Variants in SOCS7 observed in about 807,000 individuals in gnomAD.
SOCS7 encodes the protein suppressor of cytokine signaling 7.
SOCS7 carries 18 observed loss-of-function variants against 58.9 expected under a neutral mutation model. The observed-to-expected ratio is 0.31, with a 90% CI of 0.21 to 0.45. SOCS7 has a LOEUF of 0.45. Ranked by LOEUF, SOCS7 falls within the 20% of genes least tolerant of loss-of-function variation. The pLI is 1.00. For missense variants in SOCS7, 667 were observed against 837.3 expected, an observed-to-expected ratio of 0.80 and a Z score of 2.51; for synonymous variants, 388 against 364.3, an observed-to-expected ratio of 1.06 and a Z score of -0.74.
intron 8 of SOCS7, 60 bp downstream of exon 8, chr17:38,395,504 A>G: frequency 1.3e-6 from 2 of 1,548,108 alleles, no homozygotes; most frequent in Non-Finnish European, 1.8e-6. Flanking sequence ...GGGAGGTAAC[A>G]ATGTCAGTGA....
chr17:38,357,174 T>C (rs2037651752), intron 1 of SOCS7, among the ~76,000 whole-genome samples: 1 of 152,218 alleles, frequency 6.6e-6, no homozygotes, highest in South Asian at 2.1e-4. Context: ...CCTGCTGTCG[T>C]GGACAGGCCT....
rs925239456 is a variant in SOCS7, at chr17:38,389,906, T to G, written c.1682-5403T>G. ...ATGTACATATATATATATACACATA[T>G]AGAGAGAGAGAGAGAGAGAGAGTGA... On this transcript the variant is annotated intron_variant, in intron 7 of 9. Coordinates refer to ENST00000612932, the MANE Select transcript of SOCS7 (RefSeq NM_014598.4). Among the ~76,000 whole-genome samples the G allele has an allele frequency of 2.6e-3, 266 of 103,386 alleles. 8 individuals are homozygous for G. The highest frequency in any genetic ancestry group is 4.8e-3 in the African/African-American group (101 of 21,262). The allele number at this position is 103,386 out of a possible 152,430, so 67.8% of individuals were successfully genotyped here.
At chr17:38,359,229 T>C (rs772479484) in intron 1 of SOCS7, among the ~76,000 whole-genome samples, 3 of 152,220 alleles carry the variant, frequency 2.0e-5, no homozygotes, top group Non-Finnish European at 2.9e-5. Context: ...CTCTGGATTT[T>C]TGGAACTAAG....
At chr17:38,387,471 T>A (rs1326179661) in intron 7 of SOCS7, among the ~76,000 whole-genome samples, 1 of 142,622 alleles carries the variant, frequency 7.0e-6, no homozygotes, top group Admixed American at 7.4e-5. Context: ...ATATACACAA[T>A]ATATAGTATA....
rs1375226663 is a variant in SOCS7, at chr17:38,399,944, T to C, written c.*462T>C. 6.6e-6 allele frequency: 1 copy of C among 152,230 alleles called. No individual in the cohort carries two copies. Among genetic ancestry groups the C allele is most frequent in the African/African-American group, 2.4e-5 (1 of 41,404 alleles). 9.4% of individuals were successfully genotyped at this position (152,230 alleles called of 1,614,324 possible). On this transcript the variant is annotated 3_prime_UTR_variant, in exon 10 of 10. Coordinates refer to ENST00000612932, the MANE Select transcript of SOCS7 (RefSeq NM_014598.4). ...CCAAAGGCAGAGTTAGAGTCTGTGC[T>C]GTGGGCCTGGAAGATGGGAGGAGGG...
In SOCS7 at chr17:38,352,778, G is replaced by C; in HGVS notation, c.726G>C (p.Gly242=). 1 of 1,550,280 alleles carries C rather than the reference G, an allele frequency of 6.5e-7. No homozygotes were observed. Among genetic ancestry groups the C allele is most frequent in the Non-Finnish European group, 8.7e-7 (1 of 1,147,402 alleles). ...TCCCTCTGGGGCGCCTGAGTAGAGG[G>C]GAGCAGCAGCAGCAGCAGCAGCAGC... ...DLVPLGRLSR[G]EQQQQQQQQP... The change falls in exon 1 of 10, where the codon GGG becomes GGC. Residue 242 remains glycine, a synonymous_variant. Transcript: ENST00000612932. The surrounding 1 kb of genome is among the most constrained non-coding windows in gnomAD (Gnocchi z 5.5).
At chr17:38,385,088 G>A (rs1435553391) in intron 7 of SOCS7, among the ~76,000 whole-genome samples, 2 of 150,546 alleles carry the variant, frequency 1.3e-5, no homozygotes, top group African/African-American at 4.9e-5. Flanking sequence ...AGTAGAGACG[G>A]GGTTTCATCA....
intron 1 of SOCS7, among the ~76,000 whole-genome samples, chr17:38,360,332 G>A (rs765785703): frequency 1.6e-4 from 24 of 151,096 alleles, no homozygotes; most frequent in Non-Finnish European, 2.7e-4. Flanking sequence ...GAGTAGCTGG[G>A]ATTACAGGTG....
intron 6 of SOCS7, among the ~76,000 whole-genome samples, chr17:38,376,186 C>A (rs2037928548): frequency 6.6e-6 from 1 of 152,182 alleles, no homozygotes; most frequent in Admixed American, 6.5e-5. Flanking sequence ...AGCTCAGGAT[C>A]ACAAATGGCC....
intron 7 of SOCS7, among the ~76,000 whole-genome samples, chr17:38,394,287 C>A (rs2144402265): frequency 6.6e-6 from 1 of 152,338 alleles, no homozygotes; most frequent in South Asian, 2.1e-4. Context: ...CTAATCCTAG[C>A]TTGCCCAAGC....
chr17:38,393,540 G>A (rs1386056061), intron 7 of SOCS7, among the ~76,000 whole-genome samples: 1 of 152,090 alleles, frequency 6.6e-6, no homozygotes. Context: ...GAGAGGCTAA[G>A]GCAGGAGAAT....
At position 38,395,709 on chromosome 17, in the gene SOCS7, G is replaced by A. The variant is rs1044119397; in HGVS notation, c.1818-139G>A. 49 of 961,312 alleles carry A rather than the reference G, an allele frequency of 5.1e-5. No individual in the cohort carries two copies. The South Asian group carries it at 7.2e-4, about 14-fold the overall frequency. 59.5% of individuals were successfully genotyped at this position (961,312 alleles called of 1,614,324 possible). A position where few individuals can be genotyped will look rare whatever the true frequency, so the allele number is the denominator to read the frequency against. ...AGAAGTGGTAAGAGTAAGGAAGACA[G>A]AACTATAATAACTGAGAAAATGGGG... On this transcript the variant is annotated intron_variant, in intron 8 of 9. Transcript: ENST00000612932.
At chr17:38,376,334 C>G (rs1169787510) in intron 6 of SOCS7, among the ~76,000 whole-genome samples, 1 of 152,116 alleles carries the variant, frequency 6.6e-6, no homozygotes, top group Non-Finnish European at 1.5e-5. Flanking sequence ...ACGCACATCT[C>G]TGGGATATGG....
In SOCS7 at chr17:38,401,889, G is replaced by A. The variant is rs976636383; in HGVS notation, c.*2407G>A. The A allele has an allele frequency of 6.6e-6, 1 of 152,292 alleles. No individual in the cohort carries two copies. Among genetic ancestry groups the A allele is most frequent in the African/African-American group, 2.4e-5 (1 of 41,448 alleles). The allele number at this position is 152,292 out of a possible 1,614,324, so 9.4% of individuals were successfully genotyped here. ...ACCAGGCAGACCTGAGTGCCAAGGG[G>A]TTATGATGGTGAGGTGGAGCCCAAA... On this transcript the variant is annotated 3_prime_UTR_variant, in exon 10 of 10. Transcript: ENST00000612932.
Position 38,404,003 on chromosome 17 carries a change from T to C in SOCS7, c.*4521T>C, listed in dbSNP as rs1378428079. ...AAAAGAAAAAAAAAAGAAAGAAAAGTGTGCCCCCCTCCTATGCTGCGATAG... is the reference window on the plus strand; with the variant it reads ...AAAAGAAAAAAAAAAGAAAGAAAAGCGTGCCCCCCTCCTATGCTGCGATAG... On this transcript the variant is annotated 3_prime_UTR_variant, in exon 10 of 10. Coordinates refer to ENST00000612932, the MANE Select transcript of SOCS7 (RefSeq NM_014598.4). 1 of 151,342 alleles carries C rather than the reference T, an allele frequency of 6.6e-6. No individual in the cohort carries two copies. Among genetic ancestry groups the C allele is most frequent in the Non-Finnish European group, 1.5e-5 (1 of 67,844 alleles). 9.4% of individuals were successfully genotyped at this position (151,342 alleles called of 1,614,324 possible). A position where few individuals can be genotyped will look rare whatever the true frequency, so the allele number is the denominator to read the frequency against.
chr17:38,367,849 G>C (rs778111088), intron 5 of SOCS7, 33 bp from the exon 6 acceptor site: 4 of 1,602,108 alleles, frequency 2.5e-6, no homozygotes, highest in East Asian at 2.2e-5. Context: ...TCTCTGTCCT[G>C]ATAACTAGTG....
chr17:38,371,009 G>A lies in SOCS7; in HGVS notation c.1552+2959G>A, dbSNP rs187311608. On this transcript the variant is annotated intron_variant, in intron 6 of 9. Transcript: ENST00000612932. The stretch of plus-strand genomic sequence containing the variant: ...CTTTCCGTTACCAGTTTGCAGTGGA[G>A]CATTTGTCTTTGTCTTTTTTAAGTG... Among the ~76,000 whole-genome samples the A allele has an allele frequency of 2.5e-3, 382 of 152,318 alleles. 2 individuals are homozygous for A. Among genetic ancestry groups the A allele is most frequent in the Non-Finnish European group, 2.0e-3 (134 of 68,026 alleles).
chr17:38,352,786 A>G lies in SOCS7; in HGVS notation c.734A>G (p.Gln245Arg). The G allele has an allele frequency of 6.4e-7, 1 of 1,550,668 alleles. No individual in the cohort carries two copies. Among genetic ancestry groups the G allele is most frequent in the Non-Finnish European group, 8.7e-7 (1 of 1,147,550 alleles). The change falls in exon 1 of 10, where the codon CAG (glutamine) becomes CGG (arginine). Residue 245 changes from glutamine (Q) to arginine (R), a missense_variant. Gln to Arg is a conservative substitution (Grantham distance 43). Transcript: ENST00000612932. The surrounding 1 kb of genome is among the most constrained non-coding windows in gnomAD (Gnocchi z 5.5). ...PLGRLSRGEQ[Q>R]QQQQQQPPPP... is the part of the protein sequence containing the mutation. ...GGGCGCCTGAGTAGAGGGGAGCAGCAGCAGCAGCAGCAGCAGCAACCTCCC... is the reference window on the plus strand; with the variant it reads ...GGGCGCCTGAGTAGAGGGGAGCAGCGGCAGCAGCAGCAGCAGCAACCTCCC...
rs1458273820 is a variant in SOCS7, at chr17:38,404,482, G to A, written c.*5000G>A. On this transcript the variant is annotated 3_prime_UTR_variant, in exon 10 of 10. Coordinates refer to ENST00000612932, the MANE Select transcript of SOCS7 (RefSeq NM_014598.4). ...TTCATTCCCATTTCATTTCTAGAGG[G>A]TTTAGAGGTGACCTGGAACCGTTCC... 1.3e-5 allele frequency: 2 copies of A among 152,184 alleles called. No individual in the cohort carries two copies. The highest frequency in any genetic ancestry group is 2.9e-5 in the Non-Finnish European group (2 of 68,094). 9.4% of individuals were successfully genotyped at this position (152,184 alleles called of 1,614,324 possible). A position where few individuals can be genotyped will look rare whatever the true frequency, so the allele number is the denominator to read the frequency against.
Sources: allele counts gnomAD v4.1 joint callset (sites outside exome capture counted in the v4.1 genomes callset), GRCh38; gene constraint gnomAD v4.1.1; non-coding constraint Gnocchi (gnomAD v3.1); transcripts MANE v1.5; gene names NCBI Gene and HGNC (gene_info 2026-07-23, HGNC 2026-07-21).